Variants in SGCD observed in about 807,000 individuals in gnomAD.
SGCD encodes the protein delta-sarcoglycan.
SGCD carries 18 observed loss-of-function variants against 36.6 expected under a neutral mutation model. The observed-to-expected ratio is 0.49, with a 90% confidence interval of 0.34 to 0.73. SGCD has a LOEUF of 0.73. Among genes scored for constraint, SGCD ranks in the 30% least tolerant of loss-of-function variants. The pLI, the probability that SGCD is intolerant of heterozygous loss-of-function variation, is 0.01. For missense variants in SGCD, 387 were observed against 346.7 expected, an observed-to-expected ratio of 1.12 and a Z score of -0.92; for synonymous variants, 133 against 130.6, an observed-to-expected ratio of 1.02 and a Z score of -0.12.
intron 1 of SGCD, among the ~76,000 whole-genome samples, chr5:155,938,747 C>A (rs1324482206): frequency 3.3e-5 from 5 of 152,160 alleles, no homozygotes; most frequent in African/African-American, 4.8e-5. Context: ...GTATTAAGTC[C>A]TTTACATGTC....
chr5:156,081,535 AG>A (rs576647766), intron 1 of SGCD, among the ~76,000 whole-genome samples: 314 of 152,264 alleles, frequency 2.1e-3, no homozygotes, highest in Non-Finnish European at 2.5e-3. Flanking sequence ...CTGGGACTAC[AG>A]GTGCATGCTA....
chr5:156,705,695 G>C (rs1754712960), intron 7 of SGCD, among the ~76,000 whole-genome samples: 1 of 152,124 alleles, frequency 6.6e-6, no homozygotes, highest in Non-Finnish European at 1.5e-5. Flanking sequence ...TTGGATATTG[G>C]TGATAAGCTG....
intron 3 of SGCD, among the ~76,000 whole-genome samples, chr5:156,132,764 G>C (rs539701606): frequency 6.6e-6 from 1 of 151,948 alleles, no homozygotes; most frequent in Non-Finnish European, 1.5e-5. Context: ...CACCGCGCCC[G>C]GCCCTTACCA....
chr5:156,437,703 T>G (rs1753302858), intron 3 of SGCD, among the ~76,000 whole-genome samples: 2 of 152,166 alleles, frequency 1.3e-5, no homozygotes. Flanking sequence ...GAGTCACAAT[T>G]TGACTGCTGG....
intron 3 of SGCD, among the ~76,000 whole-genome samples, chr5:156,437,875 A>G (rs1282263089): frequency 2.0e-5 from 3 of 152,212 alleles, no homozygotes; most frequent in African/African-American, 7.2e-5. Flanking sequence ...GTGATTTATT[A>G]CAAGTGGATA....
At chr5:156,300,227 A>T (rs531013148) in intron 3 of SGCD, among the ~76,000 whole-genome samples, 2 of 151,844 alleles carry the variant, frequency 1.3e-5, no homozygotes, top group Non-Finnish European at 2.9e-5. Flanking sequence ...GTTTCCTTTT[A>T]TTTATTTATT....
At chr5:156,280,523 T>G (rs1193420912) in intron 3 of SGCD, among the ~76,000 whole-genome samples, 1 of 152,200 alleles carries the variant, frequency 6.6e-6, no homozygotes, top group Non-Finnish European at 1.5e-5. Context: ...AAGTTGACGT[T>G]TATTCAATCT....
intron 1 of SGCD, among the ~76,000 whole-genome samples, chr5:155,936,084 A>G (rs1757190534): frequency 6.6e-6 from 1 of 152,136 alleles, no homozygotes; most frequent in Admixed American, 6.5e-5. Flanking sequence ...CAGAGGCCCA[A>G]AGAGGGTATT....
At chr5:155,785,769 T>C in the SGCD span, among the ~76,000 whole-genome samples, 27 of 152,314 alleles carry the variant, frequency 1.8e-4, no homozygotes, top group East Asian at 9.7e-4. Flanking sequence ...TCTTTAAAAA[T>C]ACCCTGCTAG....
chr5:156,482,383 AT>A (rs1192308477), intron 3 of SGCD, among the ~76,000 whole-genome samples: 1 of 152,214 alleles, frequency 6.6e-6, no homozygotes, highest in African/African-American at 2.4e-5. Context: ...GAAGGGTAAT[AT>A]TGTTTCACTT....
intron 3 of SGCD, among the ~76,000 whole-genome samples, chr5:156,459,276 A>C (rs1035254297): frequency 2.0e-5 from 3 of 152,224 alleles, no homozygotes; most frequent in Non-Finnish European, 1.5e-5. Flanking sequence ...CACTGCACTC[A>C]ATGTTCAATG....
At chr5:156,082,596 A>G (rs1760984804) in intron 1 of SGCD, among the ~76,000 whole-genome samples, 1 of 152,218 alleles carries the variant, frequency 6.6e-6, no homozygotes, top group South Asian at 2.1e-4. Context: ...ATTTCATGGT[A>G]TATACCACAG....
chr5:156,562,999 C>T lies in SGCD; in HGVS notation c.295-26232C>T, dbSNP rs563865915. On this transcript the variant is annotated intron_variant, in intron 4 of 8. Transcript: ENST00000337851. ...TGTTATTATTATTATTATTTTGAGA[C>T]GGAGTTTTGCTCTTGTTGCCCAGGT... Among the ~76,000 whole-genome samples the T allele has an allele frequency of 2.0e-4, 31 of 151,872 alleles. No homozygotes were observed. The East Asian group carries it at 3.3e-3, about 16-fold the overall frequency.
chr5:156,447,588 T>G (rs1250894006), intron 3 of SGCD, among the ~76,000 whole-genome samples: 3 of 152,112 alleles, frequency 2.0e-5, no homozygotes, highest in Non-Finnish European at 4.4e-5. Flanking sequence ...TTCTCACAAG[T>G]AGGAGCCGAA....
At chr5:156,738,510 A>C (rs1211852186) in intron 7 of SGCD, 1 of 152,220 alleles carries the variant, frequency 6.6e-6, no homozygotes, top group African/African-American at 2.4e-5. Flanking sequence ...AGAATCTGTC[A>C]AGCTTTTCCT....
intron 3 of SGCD, among the ~76,000 whole-genome samples, chr5:156,468,985 G>A (rs987500751): frequency 3.3e-5 from 5 of 152,140 alleles, no homozygotes; most frequent in Admixed American, 2.0e-4. Flanking sequence ...GAGTGAAATT[G>A]TGTCTCAAAA....
At chr5:156,298,018 G>A (rs977026208) in intron 3 of SGCD, among the ~76,000 whole-genome samples, 2 of 150,838 alleles carry the variant, frequency 1.3e-5, no homozygotes, top group Non-Finnish European at 2.9e-5. Context: ...TTGCCCAAAT[G>A]AGTGAAAATA....
At chr5:156,515,213 A>C (rs912610251) in intron 4 of SGCD, among the ~76,000 whole-genome samples, 1 of 141,206 alleles carries the variant, frequency 7.1e-6, no homozygotes, top group African/African-American at 2.6e-5. Flanking sequence ...TTCTTGGCAC[A>C]GTCTTTCTGA....
At chr5:155,946,575 T>C (rs1442068761) in intron 1 of SGCD, among the ~76,000 whole-genome samples, 1 of 152,154 alleles carries the variant, frequency 6.6e-6, no homozygotes. Flanking sequence ...CTTCTCAATC[T>C]TCCTAGAGAT....
Sources: gnomAD v4.1 joint callset for allele counts (sites outside exome capture counted in the v4.1 genomes callset) on GRCh38, gnomAD v4.1.1 for gene constraint, MANE v1.5 for transcripts, NCBI Gene and HGNC (gene_info 2026-07-23, HGNC 2026-07-21) for gene names.